PLCL2: variants seen among roughly 807,000 people sequenced by gnomAD.
PLCL2 encodes inactive phospholipase C-like protein 2.
Under a neutral mutation model 79.6 loss-of-function variants are expected in PLCL2, and 4 were observed. That is an observed-to-expected ratio of 0.05 (90% CI 0.02 to 0.11). PLCL2 has a LOEUF of 0.11. Among genes scored for constraint, PLCL2 ranks in the 10% least tolerant of loss-of-function variants. The pLI, the probability that PLCL2 is intolerant of heterozygous loss-of-function variation, is 1.00. For synonymous variants in PLCL2, 484 were observed against 457.7 expected, an observed-to-expected ratio of 1.06 and a Z score of -0.73; for missense variants, 895 against 1,291.0, an observed-to-expected ratio of 0.69 and a Z score of 4.70.
intron 5 of PLCL2, among the ~76,000 whole-genome samples, chr3:17,077,671 A>G (rs1269815879): frequency 6.6e-6 from 1 of 152,166 alleles, no homozygotes; most frequent in Admixed American, 6.6e-5. Context: ...ATCTCATACT[A>G]GAAGAGTCCT....
intron 1 of PLCL2, among the ~76,000 whole-genome samples, chr3:16,980,580 C>A (rs1383670427): frequency 6.6e-6 from 1 of 151,494 alleles, no homozygotes; most frequent in African/African-American, 2.4e-5. Context: ...GATGTGATGG[C>A]GGCCGGGAAG....
At chr3:17,049,607 G>A (rs1274229333) in intron 4 of PLCL2, among the ~76,000 whole-genome samples, 2 of 151,708 alleles carry the variant, frequency 1.3e-5, no homozygotes, top group Non-Finnish European at 2.9e-5. Flanking sequence ...TAAATACCTA[G>A]GAATTAACTT....
intron 1 of PLCL2, among the ~76,000 whole-genome samples, chr3:16,943,304 C>T (rs1462531234): frequency 6.6e-6 from 1 of 152,178 alleles, no homozygotes; most frequent in South Asian, 2.1e-4. Flanking sequence ...TGTACTAGCT[C>T]TAAAACCCTT....
At chr3:17,068,134 A>G in intron 5 of PLCL2, 69 bp downstream of exon 5, 2 of 836,784 alleles carry the variant, frequency 2.4e-6, no homozygotes, top group Non-Finnish European at 4.1e-6. Context: ...CTCTCTTAGT[A>G]TAACATTTCC....
At chr3:16,973,610 A>G (rs1291052709) in intron 1 of PLCL2, among the ~76,000 whole-genome samples, 1 of 152,142 alleles carries the variant, frequency 6.6e-6, no homozygotes, top group Admixed American at 6.5e-5. Flanking sequence ...AACACTGAGA[A>G]CCCTACAGTG....
chr3:16,964,647 G>C (rs1224662425), intron 1 of PLCL2, among the ~76,000 whole-genome samples: 2 of 151,988 alleles, frequency 1.3e-5, no homozygotes, highest in African/African-American at 2.4e-5. Flanking sequence ...CAGTGTAAAA[G>C]TGTTCCTATT....
chr3:16,915,189 T>C (rs1696964656), intron 1 of PLCL2, among the ~76,000 whole-genome samples: 1 of 152,236 alleles, frequency 6.6e-6, no homozygotes, highest in African/African-American at 2.4e-5. Flanking sequence ...AGCTGAGCAA[T>C]GCATAACATT....
At chr3:16,985,078 C>G (rs2064035332) in intron 1 of PLCL2, among the ~76,000 whole-genome samples, 1 of 152,092 alleles carries the variant, frequency 6.6e-6, no homozygotes, top group South Asian at 2.1e-4. Context: ...TTATCATTTT[C>G]AAAGAGAATT....
Position 16,970,888 on chromosome 3 carries a change from C to T in PLCL2, c.328-38786C>T, listed in dbSNP as rs1205596331. 8.4e-4 allele frequency among the ~76,000 whole-genome samples: 127 copies of T among 151,168 alleles called. 1 individual carries two copies. The highest frequency in any genetic ancestry group is 2.2e-3 in the African/African-American group (90 of 41,288). ...TTGAGAAGTGTCTGTTCATGTCCTTCGCCCACTTTTTGATGGGGTTGTTTG... is the reference window on the plus strand; with the variant it reads ...TTGAGAAGTGTCTGTTCATGTCCTTTGCCCACTTTTTGATGGGGTTGTTTG... On this transcript the variant is annotated intron_variant, in intron 1 of 5. Transcript: ENST00000615277.
chr3:17,010,192 T>C lies in PLCL2; in HGVS notation c.846T>C (p.Asp282=). The C allele has an allele frequency of 6.2e-7, 1 of 1,614,078 alleles. No individual in the cohort carries two copies. The highest frequency in any genetic ancestry group is 8.5e-7 in the Non-Finnish European group (1 of 1,179,938). The change falls in exon 2 of 6, where the codon GAT becomes GAC. Residue 282 remains aspartate (D), a synonymous_variant. Coordinates refer to ENST00000615277, the MANE Select transcript of PLCL2 (RefSeq NM_001144382.2). The surrounding 1 kb of genome is among the most constrained non-coding windows in gnomAD (Gnocchi z 5.8). The part of the protein sequence containing the change: ...VSQMFSEIDV[D]NLGHITLCNA... ...AAATGTTTAGTGAAATTGATGTAGA[T>C]AACCTTGGACATATAACTCTGTGTA...
At chr3:17,079,119 C>T (rs770853345) in intron 5 of PLCL2, among the ~76,000 whole-genome samples, 4 of 152,188 alleles carry the variant, frequency 2.6e-5, no homozygotes, top group East Asian at 1.9e-4. Context: ...GAGGTGCTTA[C>T]GTGCATGCTA....
At chr3:16,950,944 G>A (rs1410958970) in intron 1 of PLCL2, among the ~76,000 whole-genome samples, 1 of 151,986 alleles carries the variant, frequency 6.6e-6, no homozygotes, top group South Asian at 2.1e-4. Flanking sequence ...AAGTTTGGAT[G>A]ATCTATGGTT....
rs79342012 is a variant in PLCL2 at position 17,039,004 on chromosome 3, A to G, written c.3019-3870A>G. 8.1e-3 allele frequency among the ~76,000 whole-genome samples: 1,232 copies of G among 152,310 alleles called. 63 individuals are homozygous for G. In the East Asian group the frequency reaches 0.13, roughly 16 times the overall value. ...TTGCTTATGTTTCAGGTAGGTCTTCAGTGTTCACATGTGTAAAACTAACCT... is the reference window on the plus strand; with the variant it reads ...TTGCTTATGTTTCAGGTAGGTCTTCGGTGTTCACATGTGTAAAACTAACCT... On this transcript the variant is annotated intron_variant, in intron 3 of 5. Coordinates refer to ENST00000615277, the MANE Select transcript of PLCL2 (RefSeq NM_001144382.2).
intron 1 of PLCL2, among the ~76,000 whole-genome samples, chr3:16,990,269 C>G (rs1471746052): frequency 6.6e-6 from 1 of 152,142 alleles, no homozygotes; most frequent in African/African-American, 2.4e-5. Context: ...ATTGTAGTCC[C>G]TGTTTTAGGG....
intron 1 of PLCL2, among the ~76,000 whole-genome samples, chr3:16,894,680 G>T (rs1483212242): frequency 6.6e-6 from 1 of 151,968 alleles, no homozygotes; most frequent in Non-Finnish European, 1.5e-5. Flanking sequence ...TGGCTTTTTG[G>T]CTGAATTTCT....
intron 1 of PLCL2, among the ~76,000 whole-genome samples, chr3:16,969,870 G>A (rs141720467): frequency 5.3e-5 from 8 of 151,394 alleles, no homozygotes; most frequent in Non-Finnish European, 8.9e-5. Context: ...TAATGTGGGC[G>A]TTTATCTGTG....
At chr3:16,956,837 C>T (rs970902701) in intron 1 of PLCL2, among the ~76,000 whole-genome samples, 11 of 152,214 alleles carry the variant, frequency 7.2e-5, no homozygotes, top group Non-Finnish European at 8.8e-5. Context: ...GTAGTATTCT[C>T]TGATGGTAGT....
intron 5 of PLCL2, among the ~76,000 whole-genome samples, chr3:17,070,782 C>A (rs2065053698): frequency 6.6e-6 from 1 of 152,020 alleles, no homozygotes; most frequent in Non-Finnish European, 1.5e-5. Context: ...GAGGTGGCAG[C>A]GCTCCAGGCA....
At chr3:16,967,419 A>G (rs1374561264) in intron 1 of PLCL2, among the ~76,000 whole-genome samples, 1 of 151,952 alleles carries the variant, frequency 6.6e-6, no homozygotes, top group African/African-American at 2.4e-5. Flanking sequence ...TGTAACTTCA[A>G]TAGCATCTGT....
Sources: allele counts gnomAD v4.1 joint callset (sites outside exome capture counted in the v4.1 genomes callset), GRCh38; gene constraint gnomAD v4.1.1; non-coding constraint Gnocchi (gnomAD v3.1); transcripts MANE v1.5; gene names NCBI Gene and HGNC (gene_info 2026-07-23, HGNC 2026-07-21).